Variants in SYN2 observed in about 807,000 individuals in gnomAD.
SYN2 encodes the protein synapsin II, also known as synapsin-2.
A neutral mutation model predicts 50.9 loss-of-function variants in SYN2; 19 were observed. That is an observed-to-expected ratio of 0.37 (90% CI 0.26 to 0.55). SYN2 has a LOEUF of 0.55. Ranked by LOEUF, SYN2 falls within the 20% of genes least tolerant of loss-of-function variation. SYN2 has a pLI of 0.81. For missense variants in SYN2, 587 were observed against 576.4 expected (o/e 1.02, Z -0.19); for synonymous variants, 255 against 224.9 (o/e 1.13, Z -1.20).
rs1026363699 is a variant in SYN2, at chr3:12,090,492, C to G, written c.378-50159C>G. ...CAAGTTTAAATTTCTGGCTCTGCCA[C>G]TTTCTTGCCAGTAAGACCTTGAGCT... On this transcript the variant is annotated intron_variant, in intron 1 of 12. Coordinates refer to ENST00000621198, the MANE Select transcript of SYN2 (RefSeq NM_133625.6). Among the ~76,000 whole-genome samples the G allele has an allele frequency of 8.0e-5, 12 of 150,312 alleles. No individual in the cohort carries two copies. In the East Asian group the frequency reaches 2.1e-3, roughly 27 times the overall value.
At chr3:12,184,279 G>C (rs1435911426) in intron 11 of SYN2, 1 of 985,874 alleles carries the variant, frequency 1.0e-6, no homozygotes, top group Non-Finnish European at 1.2e-6. Flanking sequence ...TGTGTGTGTT[G>C]ATCTCAGTTG....
chr3:12,102,877 T>G (rs191985060), intron 1 of SYN2, among the ~76,000 whole-genome samples: 108 of 152,198 alleles, frequency 7.1e-4, no homozygotes, highest in Admixed American at 1.2e-3. Flanking sequence ...AGACATATAA[T>G]GAACTACTCA....
At chr3:12,158,351 C>T (rs558113608) in intron 5 of SYN2, among the ~76,000 whole-genome samples, 1 of 152,160 alleles carries the variant, frequency 6.6e-6, no homozygotes, top group Non-Finnish European at 1.5e-5. Flanking sequence ...AGTTACAATG[C>T]AAGCCCTCTC....
chr3:12,123,596 C>G (rs866160401), intron 1 of SYN2, among the ~76,000 whole-genome samples: 2 of 152,080 alleles, frequency 1.3e-5, no homozygotes, highest in African/African-American at 4.8e-5. Flanking sequence ...TAGTGAGACC[C>G]TGTGTCTAAA....
At chr3:12,027,907 G>C (rs1186531170) in intron 1 of SYN2, among the ~76,000 whole-genome samples, 3 of 151,236 alleles carry the variant, frequency 2.0e-5, no homozygotes, top group Admixed American at 2.0e-4. Flanking sequence ...AATCAGAAGA[G>C]TAACTTTCAT....
chr3:12,127,408 C>CTCTATCT (rs1696693880), intron 1 of SYN2, among the ~76,000 whole-genome samples: 1 of 152,190 alleles, frequency 6.6e-6, no homozygotes, highest in South Asian at 2.1e-4. Context: ...GGTCAACTTT[C>CTCTATCT]TGTCTTTAAG....
At chr3:12,055,100 T>C (rs781335600) in intron 1 of SYN2, among the ~76,000 whole-genome samples, 1 of 151,826 alleles carries the variant, frequency 6.6e-6, no homozygotes, top group Non-Finnish European at 1.5e-5. Flanking sequence ...ACACACAGTT[T>C]CTCAAATATT....
At chr3:12,158,570 C>T in intron 5 of SYN2, 1 of 1,362,274 alleles carries the variant, frequency 7.3e-7, no homozygotes, top group Non-Finnish European at 1.0e-6. Context: ...CTCCACCCAT[C>T]AGCCTCAGCA....
intron 10 of SYN2, among the ~76,000 whole-genome samples, chr3:12,180,945 CAT>C (rs540633455): frequency 1.3e-4 from 20 of 152,180 alleles, no homozygotes; most frequent in Non-Finnish European, 2.6e-4. Flanking sequence ...TTCTTGGAAT[CAT>C]AGTTTCACTG....
Position 12,168,478 on chromosome 3 carries a change from G to T in SYN2, c.1158G>T (p.Glu386Asp). 1 of 1,613,094 alleles carries T rather than the reference G, an allele frequency of 6.2e-7. No homozygotes were observed. Reference sequence around the variant, plus strand: ...AAGATGGGAAAGACTACATTTTTGAGGTAAGTCTGGACCAAGCAGTAAGAG... The same window carrying T: ...AAGATGGGAAAGACTACATTTTTGATGTAAGTCTGGACCAAGCAGTAAGAG... ...HGKDGKDYIF[E>D]VMDCSMPLIG... is the part of the protein sequence containing the mutation. Residue 386 changes from glutamate to aspartate, a missense_variant and splice_region_variant, in exon 9 of 13, where the codon GAG becomes GAT. Physicochemically the swap from Glu to Asp is conservative, Grantham distance 45 (BLOSUM62 2). Coordinates refer to ENST00000621198, the MANE Select transcript of SYN2 (RefSeq NM_133625.6).
intron 1 of SYN2, among the ~76,000 whole-genome samples, chr3:12,052,506 G>T (rs985174785): frequency 5.3e-5 from 8 of 152,216 alleles, no homozygotes. Flanking sequence ...AATTGGGCAA[G>T]AAGAATCAAA....
intron 1 of SYN2, among the ~76,000 whole-genome samples, chr3:12,028,068 C>G (rs1388847896): frequency 9.5e-6 from 1 of 105,716 alleles, no homozygotes; most frequent in East Asian, 3.1e-4. Context: ...TATTCCCCTT[C>G]CTGTGTCCAT....
At chr3:12,140,740 C>T (rs754663016) in intron 2 of SYN2, 32 bp downstream of exon 2, 65 of 738,042 alleles carry the variant, frequency 8.8e-5, no homozygotes, top group East Asian at 2.5e-4. Flanking sequence ...GCTGCATCCC[C>T]GTCATCACAG....
chr3:12,069,430 G>A (rs893691998), intron 1 of SYN2, among the ~76,000 whole-genome samples: 2 of 151,952 alleles, frequency 1.3e-5, no homozygotes, highest in Non-Finnish European at 2.9e-5. Context: ...TGTATTTTTA[G>A]TAGAGACGGG....
intron 11 of SYN2, 29 bp downstream of exon 11, chr3:12,183,401 T>A (rs1194211468): frequency 1.2e-6 from 2 of 1,613,788 alleles, no homozygotes; most frequent in Non-Finnish European, 1.7e-6. Flanking sequence ...TCGACTGTAA[T>A]GGCATTGCAG....
At chr3:12,158,903 C>A (rs1361225171) in intron 5 of SYN2, 1 of 1,456,618 alleles carries the variant, frequency 6.9e-7, no homozygotes, top group African/African-American at 1.4e-5. Flanking sequence ...CAGCAGGGCT[C>A]CTTCCCAAGG....
At chr3:12,133,355 A>G (rs1489157962) in intron 1 of SYN2, among the ~76,000 whole-genome samples, 1 of 152,250 alleles carries the variant, frequency 6.6e-6, no homozygotes, top group African/African-American at 2.4e-5. Flanking sequence ...TTTATGGTCC[A>G]TAAATTAGAT....
At chr3:12,134,202 TACTC>T (rs1337443143) in intron 1 of SYN2, among the ~76,000 whole-genome samples, 1 of 152,186 alleles carries the variant, frequency 6.6e-6, no homozygotes, top group African/African-American at 2.4e-5. Context: ...TACTTTAAAA[TACTC>T]AAACCGTAGT....
chr3:12,090,722 T>C (rs1055646261), intron 1 of SYN2, among the ~76,000 whole-genome samples: 1 of 152,190 alleles, frequency 6.6e-6, no homozygotes, highest in African/African-American at 2.4e-5. Context: ...CTACTTCCTA[T>C]TGTTCCTTGG....
Sources: allele counts gnomAD v4.1 joint callset (sites outside exome capture counted in the v4.1 genomes callset), GRCh38; gene constraint gnomAD v4.1.1; transcripts MANE v1.5; gene names NCBI Gene and HGNC (gene_info 2026-07-23, HGNC 2026-07-21).